HHAT: variants seen among roughly 807,000 people sequenced by gnomAD.
The protein encoded by HHAT is protein-cysteine N-palmitoyltransferase HHAT.
A neutral mutation model predicts 70.8 loss-of-function variants in HHAT; 47 were observed. The ratio of observed to expected loss-of-function variants is 0.66; its 90% CI spans 0.53 to 0.85. The LOEUF (loss-of-function observed/expected upper bound fraction) is 0.85, where lower values mean the gene tolerates loss of function less well. Among genes scored for constraint, HHAT ranks in the 40% least tolerant of loss-of-function variants. The probability of loss-of-function intolerance (pLI) is 0.00; values close to 1 mark genes in which losing one functional copy is unlikely to be tolerated. For synonymous variants in HHAT, 228 were observed against 247.6 expected (o/e 0.92, Z 0.74); for missense variants, 609 against 604.8 (o/e 1.01, Z -0.07).
chr1:210,573,098 C>G (rs966404790), intron 9 of HHAT, among the ~76,000 whole-genome samples: 1 of 152,214 alleles, frequency 6.6e-6, no homozygotes, highest in African/African-American at 2.4e-5. Flanking sequence ...GCAAACAGCA[C>G]ACTATTGTGA....
chr1:210,338,355 G>GAACAA (rs1251906454), intron 1 of HHAT, among the ~76,000 whole-genome samples: 3 of 152,096 alleles, frequency 2.0e-5, no homozygotes, highest in Non-Finnish European at 4.4e-5. Flanking sequence ...AAGGAGCCTG[G>GAACAA]AACCAAGTCA....
At position 210,502,122 on chromosome 1, in the gene HHAT, C is replaced by T. The variant is rs555120064; in HGVS notation, c.1008-11031C>T. Among the ~76,000 whole-genome samples, 4 of 151,692 alleles carry T rather than the reference C, an allele frequency of 2.6e-5. No homozygotes were observed. In the East Asian group the frequency reaches 5.8e-4, roughly 22 times the overall value. On this transcript the variant is annotated intron_variant, in intron 8 of 11. Transcript: ENST00000261458. ...CTTTCCGGCCAGGCACGGTGGCTCA[C>T]GCCTGTAATCCCAGCAGTTTGGGAG...
At chr1:210,557,782 T>C (rs2095586062) in intron 9 of HHAT, among the ~76,000 whole-genome samples, 1 of 152,128 alleles carries the variant, frequency 6.6e-6, no homozygotes, top group South Asian at 2.1e-4. Flanking sequence ...CCACAACACG[T>C]GGGAATTCTG....
At position 210,523,692 on chromosome 1, in the gene HHAT, G is replaced by A. The variant is rs114159345; in HGVS notation, c.1043+10504G>A. Among the ~76,000 whole-genome samples the A allele has an allele frequency of 8.3e-3, 1,271 of 152,322 alleles. 18 individuals are homozygous for A. The highest frequency in any genetic ancestry group is 0.027 in the African/African-American group (1,139 of 41,562). On this transcript the variant is annotated intron_variant, in intron 9 of 11. Transcript: ENST00000261458. ...GGTCTGACTCATCTGGATCTTCTGC[G>A]TAGTACCCCACAACGTCTAATGTCT... is the stretch of plus-strand genomic sequence containing the variant.
intron 9 of HHAT, among the ~76,000 whole-genome samples, chr1:210,551,397 T>C (rs1208002641): frequency 1.3e-5 from 2 of 148,876 alleles, no homozygotes; most frequent in Non-Finnish European, 2.9e-5. Context: ...GATTTAGCAA[T>C]TATTCTGAAA....
At chr1:210,563,859 G>A (rs1288526692) in intron 9 of HHAT, among the ~76,000 whole-genome samples, 1 of 152,154 alleles carries the variant, frequency 6.6e-6, no homozygotes, top group Non-Finnish European at 1.5e-5. Flanking sequence ...TCTTGAGCAT[G>A]TACTGTATGT....
At chr1:210,434,533 C>T (rs1483856964) in intron 7 of HHAT, among the ~76,000 whole-genome samples, 1 of 151,778 alleles carries the variant, frequency 6.6e-6, no homozygotes, top group African/African-American at 2.4e-5. Flanking sequence ...ACAGACTGGA[C>T]ACCTTCAGGA....
chr1:210,624,382 A>G (rs1277349622), intron 11 of HHAT, among the ~76,000 whole-genome samples: 1 of 152,218 alleles, frequency 6.6e-6, no homozygotes, highest in East Asian at 1.9e-4. Flanking sequence ...ATCAACAGAC[A>G]ACAAAGACAC....
intron 3 of HHAT, among the ~76,000 whole-genome samples, chr1:210,381,408 G>A (rs770363796): frequency 3.3e-5 from 5 of 152,080 alleles, no homozygotes; most frequent in African/African-American, 7.2e-5. Flanking sequence ...AGCCTCCCGA[G>A]TAGCTGAGAT....
At chr1:210,464,782 T>G in intron 8 of HHAT, 127 bp downstream of exon 8, 1 of 913,396 alleles carries the variant, frequency 1.1e-6, no homozygotes, top group Admixed American at 2.4e-5. Flanking sequence ...TTGGCATCCA[T>G]TTCTTCATCC....
At chr1:210,359,089 G>A (rs2087966075) in intron 2 of HHAT, among the ~76,000 whole-genome samples, 1 of 152,150 alleles carries the variant, frequency 6.6e-6, no homozygotes, top group East Asian at 1.9e-4. Flanking sequence ...ATAGAACCAG[G>A]GCACTGGAAG....
intron 5 of HHAT, 132 bp from the exon 6 acceptor site, chr1:210,404,332 A>G (rs553996615): frequency 1.5e-6 from 1 of 651,552 alleles, no homozygotes. Flanking sequence ...CTCTGCCTGA[A>G]GAAGAAATTG....
intron 8 of HHAT, among the ~76,000 whole-genome samples, chr1:210,499,374 C>T (rs891104739): frequency 1.3e-5 from 2 of 152,154 alleles, no homozygotes; most frequent in South Asian, 2.1e-4. Context: ...TCATGGCTCA[C>T]GCCTGTAATC....
intron 7 of HHAT, among the ~76,000 whole-genome samples, chr1:210,451,350 T>G (rs921865175): frequency 6.6e-6 from 1 of 152,214 alleles, no homozygotes; most frequent in Non-Finnish European, 1.5e-5. Flanking sequence ...ATTCCCTGCA[T>G]GTTCTCTTTT....
rs34807311 is a variant in HHAT at position 210,448,081 on chromosome 1, C to CTTT, written c.857-16410_857-16408dup. 6.2e-3 allele frequency among the ~76,000 whole-genome samples: 847 copies of CTTT among 136,810 alleles called. 14 individuals are homozygous for CTTT. The highest frequency in any genetic ancestry group is 0.022 in the African/African-American group (813 of 36,562). 89.8% of individuals were successfully genotyped at this position (136,810 alleles called of 152,430 possible). On this transcript the variant is annotated intron_variant, in intron 7 of 11. Transcript: ENST00000261458. ...TTGACAGTTTATTTGGTTAGAGGTT[C>CTTT]TTTTTTTTTTTTTTTTGAGATGAAG... is the stretch of plus-strand genomic sequence containing the variant.
rs2095527187 is a variant in HHAT, at chr1:210,551,457, G to T, written c.1044-36441G>T. Among the ~76,000 whole-genome samples, 2 of 132,418 alleles carry T rather than the reference G, an allele frequency of 1.5e-5. 1 individual carries two copies. The highest frequency in any genetic ancestry group is 3.1e-5 in the Non-Finnish European group (2 of 64,888). The allele number at this position is 132,418 out of a possible 152,430, so 86.9% of individuals were successfully genotyped here. On this transcript the variant is annotated intron_variant, in intron 9 of 11. Coordinates refer to ENST00000261458, the MANE Select transcript of HHAT (RefSeq NM_018194.6). The stretch of plus-strand genomic sequence containing the variant: ...TAGGTTTATTTTTGTTTTTTAAATT[G>T]TGTTTCTGAGTAACCCCCTAGGACA...
intron 11 of HHAT, among the ~76,000 whole-genome samples, chr1:210,654,603 C>T (rs1387884630): frequency 6.6e-6 from 1 of 152,220 alleles, no homozygotes; most frequent in Non-Finnish European, 1.5e-5. Flanking sequence ...GGTATCCCAG[C>T]ACTTAGCCTA....
intron 8 of HHAT, among the ~76,000 whole-genome samples, chr1:210,499,088 T>C (rs1444834758): frequency 6.6e-6 from 1 of 152,114 alleles, no homozygotes; most frequent in African/African-American, 2.4e-5. Flanking sequence ...ATTTTTATTT[T>C]TCCTTGCAGC....
chr1:210,603,740 A>G (rs1664774553), intron 10 of HHAT, among the ~76,000 whole-genome samples: 2 of 152,226 alleles, frequency 1.3e-5, no homozygotes, highest in South Asian at 4.1e-4. Flanking sequence ...AGAGATGTGC[A>G]GGACTTCCAA....
Sources: allele counts gnomAD v4.1 joint callset (sites outside exome capture counted in the v4.1 genomes callset), GRCh38; gene constraint gnomAD v4.1.1; transcripts MANE v1.5; gene names NCBI Gene and HGNC (gene_info 2026-07-23, HGNC 2026-07-21).